LIPJ: variants seen among roughly 807,000 people sequenced by gnomAD.
The protein encoded by LIPJ is lipase family member J.
Under a neutral mutation model 39.8 loss-of-function variants are expected in LIPJ, and 33 were observed. The ratio of observed to expected loss-of-function variants is 0.83; its 90% CI spans 0.63 to 1.11. The LOEUF is 1.11. LIPJ is among the 50% of genes least tolerant of loss of function. The pLI is 0.00. For synonymous variants in LIPJ, 128 were observed against 139.2 expected (o/e 0.92, Z 0.57); for missense variants, 422 against 427.9 (o/e 0.99, Z 0.12).
At chr10:88,593,205 G>A (rs569917810) in intron 4 of LIPJ, 1 of 151,854 alleles carries the variant, frequency 6.6e-6, no homozygotes, top group Non-Finnish European at 1.5e-5. Context: ...CCAGGCGGTG[G>A]TCATAGCCTT....
At chr10:88,610,369 A>C (rs1171776185), downstream of LIPJ, among the ~76,000 whole-genome samples, 2 of 152,176 alleles carry the variant, frequency 1.3e-5, no homozygotes, top group East Asian at 3.8e-4. Flanking sequence ...ATGAAATTGA[A>C]AATATTATGC....
At chr10:88,598,459 G>T (rs970188033) in intron 8 of LIPJ, among the ~76,000 whole-genome samples, 2 of 151,970 alleles carry the variant, frequency 1.3e-5, no homozygotes, top group African/African-American at 4.8e-5. Flanking sequence ...CCTTGTCCAG[G>T]TGTTACAATT....
At chr10:88,583,381 C>T (rs1429726055), upstream of LIPJ, 1 of 1,391,282 alleles carries the variant, frequency 7.2e-7, no homozygotes, top group Non-Finnish European at 9.3e-7. Flanking sequence ...AGAGGCCCCT[C>T]CGTCCTTGAG....
the LIPJ span, among the ~76,000 whole-genome samples, chr10:88,614,882 G>A: frequency 6.6e-6 from 1 of 152,156 alleles, no homozygotes; most frequent in Admixed American, 6.5e-5. Flanking sequence ...TCTAGAAGCA[G>A]AGTCATACAT....
upstream of LIPJ, among the ~76,000 whole-genome samples, chr10:88,585,122 A>G (rs142084905): frequency 7.2e-4 from 109 of 152,294 alleles, no homozygotes; most frequent in African/African-American, 2.5e-3. Context: ...TGGAAAGTAC[A>G]TTTGCAGTAA....
At chr10:88,621,043 C>T in the LIPJ span, among the ~76,000 whole-genome samples, 2 of 152,130 alleles carry the variant, frequency 1.3e-5, no homozygotes, top group Non-Finnish European at 2.9e-5. Flanking sequence ...GACCTAATTA[C>T]CTTACAAACG....
At chr10:88,609,389 A>G (rs1851723681), downstream of LIPJ, among the ~76,000 whole-genome samples, 1 of 152,232 alleles carries the variant, frequency 6.6e-6, no homozygotes, top group African/African-American at 2.4e-5. Context: ...GAATGTTAAT[A>G]TGACTTAAAC....
chr10:88,583,863 T>G, upstream of LIPJ: 1 of 270,970 alleles, frequency 3.7e-6, no homozygotes, highest in Non-Finnish European at 5.7e-6. Context: ...AAATTACTCT[T>G]CAATAAGTTC....
chr10:88,616,321 A>C, the LIPJ span, among the ~76,000 whole-genome samples: 1 of 152,218 alleles, frequency 6.6e-6, no homozygotes, highest in Admixed American at 6.5e-5. Context: ...CTATCTCAGC[A>C]GTTAGAACAA....
At chr10:88,613,624 C>T in the LIPJ span, among the ~76,000 whole-genome samples, 2 of 150,904 alleles carry the variant, frequency 1.3e-5, no homozygotes, top group African/African-American at 4.9e-5. Context: ...ATGACATTCT[C>T]AGAAAGAGAA....
In LIPJ at chr10:88,601,662, G is replaced by T. The variant is rs576890561; in HGVS notation, c.724-914G>T. Among the ~76,000 whole-genome samples, 22 of 152,184 alleles carry T rather than the reference G, an allele frequency of 1.4e-4. No homozygotes were observed. In the South Asian group the frequency reaches 4.2e-3, roughly 29 times the overall value. On this transcript the variant is annotated intron_variant, in intron 8 of 10. Coordinates refer to ENST00000371939, the Ensembl canonical transcript of LIPJ. Reference sequence around the variant, plus strand: ...TCTCTTAAGGTTCCTGTCCTCTGGTGGTTGCTTTACAATTTCTGTAAACCT... The same window carrying T: ...TCTCTTAAGGTTCCTGTCCTCTGGTTGTTGCTTTACAATTTCTGTAAACCT...
At chr10:88,590,643 C>G in exon 3 of LIPJ, 1 of 1,512,110 alleles carries the variant, frequency 6.6e-7, no homozygotes, top group Non-Finnish European at 9.2e-7. Flanking sequence ...TGGAATTACT[C>G]ATGGTGTCTT....
At chr10:88,606,570 T>C (rs373933572) in intron 10 of LIPJ, 104 bp from the exon 11 acceptor site, 17 of 632,282 alleles carry the variant, frequency 2.7e-5, no homozygotes, top group Middle Eastern at 7.6e-4. Flanking sequence ...AGATTTGACT[T>C]ATTTTAAAAC....
the LIPJ span, among the ~76,000 whole-genome samples, chr10:88,613,798 A>ATGTGTG: frequency 2.1e-4 from 11 of 52,040 alleles, no homozygotes; most frequent in Admixed American, 4.1e-4. Context: ...ATATATATAT[A>ATGTGTG]TATGTGTGTG....
At chr10:88,614,127 C>T in the LIPJ span, among the ~76,000 whole-genome samples, 136 of 151,222 alleles carry the variant, frequency 9.0e-4, 1 homozygote, top group Non-Finnish European at 1.2e-3. Context: ...AAAATTTGAA[C>T]GATAATTGGT....
upstream of LIPJ, among the ~76,000 whole-genome samples, chr10:88,586,377 G>A (rs1850920964): frequency 6.6e-6 from 1 of 152,094 alleles, no homozygotes; most frequent in Non-Finnish European, 1.5e-5. Context: ...TTGCAAGATA[G>A]GTGAGACAGC....
the LIPJ span, among the ~76,000 whole-genome samples, chr10:88,613,776 A>G: frequency 5.6e-4 from 26 of 46,684 alleles, 1 homozygote; most frequent in African/African-American, 1.6e-3. Flanking sequence ...GTGTGTATAT[A>G]TATATATATA....
the LIPJ span, chr10:88,618,076 C>A: frequency 6.6e-6 from 1 of 151,960 alleles, no homozygotes; most frequent in African/African-American, 2.4e-5. Flanking sequence ...GCCAGATCAA[C>A]CTCAATAATT....
chr10:88,614,977 A>ATT, the LIPJ span, among the ~76,000 whole-genome samples: 2 of 152,210 alleles, frequency 1.3e-5, no homozygotes, highest in Admixed American at 6.5e-5. Flanking sequence ...GATTACATAC[A>ATT]TTATGTATAT....
Sources: gnomAD v4.1 joint callset for allele counts (sites outside exome capture counted in the v4.1 genomes callset) on GRCh38, gnomAD v4.1.1 for gene constraint, MANE v1.5 for transcripts, NCBI Gene and HGNC (gene_info 2026-07-23, HGNC 2026-07-21) for gene names.